SP2: variants seen among roughly 807,000 people sequenced by gnomAD.
SP2 encodes the protein Sp2 transcription factor, also known as transcription factor Sp2.
A neutral mutation model predicts 50.1 loss-of-function variants in SP2; 9 were observed. The ratio of observed to expected loss-of-function variants is 0.18; its 90% confidence interval spans 0.11 to 0.31. The LOEUF (loss-of-function observed/expected upper bound fraction) is 0.31. Among genes scored for constraint, SP2 ranks in the 10% least tolerant of loss-of-function variants. The pLI is 1.00. For missense variants in SP2, 581 were observed against 806.5 expected (o/e 0.72, Z 3.39); for synonymous variants, 313 against 326.6 (o/e 0.96, Z 0.45).
At chr17:47,911,056 T>A (rs1374654982) in intron 1 of SP2, among the ~76,000 whole-genome samples, 1 of 151,822 alleles carries the variant, frequency 6.6e-6, no homozygotes, top group Non-Finnish European at 1.5e-5. Context: ...CGAAACCCCG[T>A]CTCTAGAAAA....
intron 4 of SP2, 90 bp downstream of exon 4, chr17:47,923,364 C>A: frequency 9.2e-7 from 1 of 1,084,934 alleles, no homozygotes; most frequent in Non-Finnish European, 1.3e-6. Flanking sequence ...TTTCCAGTAA[C>A]AATAGTGAGG....
At chr17:47,914,022 A>G (rs2035090378) in intron 1 of SP2, among the ~76,000 whole-genome samples, 1 of 152,204 alleles carries the variant, frequency 6.6e-6, no homozygotes, top group Admixed American at 6.5e-5. Flanking sequence ...GTCTTGGTTG[A>G]TGCCTGTGGG....
At chr17:47,900,035 A>G (rs539013360) in intron 1 of SP2, 18 of 152,370 alleles carry the variant, frequency 1.2e-4, no homozygotes, top group African/African-American at 4.3e-4. Flanking sequence ...AAGCCCTGCC[A>G]CATTGCAGTG....
chr17:47,917,760 T>A (rs2035272639), intron 3 of SP2: 1 of 445,668 alleles, frequency 2.2e-6, no homozygotes, highest in African/African-American at 2.0e-5. Flanking sequence ...TACAGGTGTA[T>A]GTCACCATGC....
In SP2 at chr17:47,925,905, C is replaced by CTTT. The variant is rs71141942; in HGVS notation, c.1741+390_1741+392dup. ...TTATGGGAAGATACTTTGTTTATGC[C>CTTT]TTTTTTTTTTTTTTTTTTTTTTTTT... On this transcript the variant is annotated intron_variant, in intron 6 of 6. Coordinates refer to ENST00000376741, the MANE Select transcript of SP2 (RefSeq NM_003110.6). Among the ~76,000 whole-genome samples, 60 of 84,436 alleles carry CTTT rather than the reference C, an allele frequency of 7.1e-4. 3 individuals carry two copies. The highest frequency in any genetic ancestry group is 1.7e-3 in the African/African-American group (35 of 20,856). 55.4% of individuals were successfully genotyped at this position (84,436 alleles called of 152,430 possible).
At chr17:47,920,977 A>C (rs780938188) in intron 3 of SP2, among the ~76,000 whole-genome samples, 1 of 151,916 alleles carries the variant, frequency 6.6e-6, no homozygotes, top group African/African-American at 2.4e-5. Flanking sequence ...CCTGACAACT[A>C]CTGGTCTATT....
At chr17:47,918,965 CT>C (rs1336003887) in intron 3 of SP2, among the ~76,000 whole-genome samples, 1 of 151,796 alleles carries the variant, frequency 6.6e-6, no homozygotes, top group Non-Finnish European at 1.5e-5. Flanking sequence ...CTCTCCGGCC[CT>C]TTATAAAAAA....
At chr17:47,924,211 A>G (rs746075159) in intron 4 of SP2, among the ~76,000 whole-genome samples, 7 of 151,990 alleles carry the variant, frequency 4.6e-5, no homozygotes, top group Non-Finnish European at 7.4e-5. Flanking sequence ...GATCATGACA[A>G]TGCAGCCTCA....
chr17:47,922,814 A>G (rs2035510696), intron 3 of SP2, 148 bp from the exon 4 acceptor site: 1 of 680,720 alleles, frequency 1.5e-6, no homozygotes, highest in African/African-American at 1.8e-5. Context: ...TTTGTCGAGC[A>G]TTAGCTGTGT....
intron 1 of SP2, among the ~76,000 whole-genome samples, chr17:47,913,059 C>A (rs1026129590): frequency 3.9e-5 from 6 of 151,968 alleles, no homozygotes; most frequent in African/African-American, 1.2e-4. Flanking sequence ...TGGGGTTTCA[C>A]CATGTTGCCC....
chr17:47,912,726 C>T (rs898515737), intron 1 of SP2, among the ~76,000 whole-genome samples: 2 of 151,730 alleles, frequency 1.3e-5, no homozygotes, highest in African/African-American at 4.8e-5. Context: ...ATTATAGGCA[C>T]GAGTCACTGC....
intron 1 of SP2, 82 bp from the exon 2 acceptor site, chr17:47,915,230 G>C: frequency 3.1e-6 from 3 of 963,774 alleles, no homozygotes; most frequent in Non-Finnish European, 4.6e-6. Flanking sequence ...AAAAAAAATA[G>C]AAAAAAAGAA....
rs768721658 is a variant in SP2 at position 47,917,040 on chromosome 17, G to A, written c.969G>A (p.Val323=). ...VVQIPQQALR[V]VQAASATLPT... is the part of the protein sequence containing the mutation. ...AGATCCCCCAGCAGGCTCTGCGGGT[G>A]GTGCAGGCGGCATCTGCCACCCTCC... is the stretch of plus-strand genomic sequence containing the variant. Residue 323 remains valine (V), a synonymous_variant, in exon 3 of 7, where the codon GTG becomes GTA. Coordinates refer to ENST00000376741, the MANE Select transcript of SP2 (RefSeq NM_003110.6). 34 of 1,614,114 alleles carry A rather than the reference G, an allele frequency of 2.1e-5. No homozygotes were observed. The Admixed American group carries it at 3.5e-4, about 17-fold the overall frequency.
intron 1 of SP2, chr17:47,898,920 G>A (rs966022188): frequency 1.3e-5 from 2 of 152,184 alleles, no homozygotes; most frequent in African/African-American, 4.8e-5. Context: ...TTCCCTTTTT[G>A]CAACTGACTT....
At chr17:47,911,998 TC>T (rs1471935957) in intron 1 of SP2, among the ~76,000 whole-genome samples, 3 of 152,096 alleles carry the variant, frequency 2.0e-5, no homozygotes, top group Non-Finnish European at 2.9e-5. Context: ...TGCCCAAGTT[TC>T]CTCCTTGTTT....
intron 1 of SP2, among the ~76,000 whole-genome samples, chr17:47,910,611 A>T (rs764986546): frequency 1.3e-5 from 2 of 152,236 alleles, no homozygotes; most frequent in Non-Finnish European, 2.9e-5. Flanking sequence ...AATTATCAGC[A>T]TCATTCTGAG....
At chr17:47,914,125 CT>C (rs1037539213) in intron 1 of SP2, among the ~76,000 whole-genome samples, 2 of 152,156 alleles carry the variant, frequency 1.3e-5, no homozygotes, top group East Asian at 3.9e-4. Flanking sequence ...AATCCCAACA[CT>C]TTGGGAGACT....
intron 3 of SP2, among the ~76,000 whole-genome samples, chr17:47,921,947 G>GAC (rs912018349): frequency 2.0e-5 from 3 of 152,130 alleles, no homozygotes; most frequent in East Asian, 1.9e-4. Flanking sequence ...CTTATATAAG[G>GAC]ACACACACAC....
Position 47,925,108 on chromosome 17 carries a change from A to G in SP2, c.1547+15A>G, listed in dbSNP as rs772467626. ...GGGGAGAAGAGGTAATTCAAGGAGA[A>G]GGCCCAAGCCACAAGGCTGGCCTGT... is the stretch of plus-strand genomic sequence containing the variant. On this transcript the variant is annotated intron_variant, in intron 5 of 6. Coordinates refer to ENST00000376741, the MANE Select transcript of SP2 (RefSeq NM_003110.6). The G allele has an allele frequency of 6.3e-7, 1 of 1,585,682 alleles. No individual in the cohort carries two copies. The highest frequency in any genetic ancestry group is 1.1e-5 in the South Asian group (1 of 86,958).
Sources: gnomAD v4.1 joint callset for allele counts (sites outside exome capture counted in the v4.1 genomes callset) on GRCh38, gnomAD v4.1.1 for gene constraint, MANE v1.5 for transcripts, NCBI Gene and HGNC (gene_info 2026-07-23, HGNC 2026-07-21) for gene names.